Variants in SRGAP2C observed in about 807,000 individuals in gnomAD.
The protein encoded by SRGAP2C is SLIT-ROBO Rho GTPase activating protein 2C, also known as SLIT-ROBO Rho GTPase-activating protein 2C.
A neutral mutation model predicts 25.1 loss-of-function variants in SRGAP2C; 15 were observed. The ratio of observed to expected loss-of-function variants is 0.60; its 90% CI spans 0.40 to 0.92. The LOEUF is 0.92. SRGAP2C is among the 40% of genes least tolerant of loss of function. The probability of loss-of-function intolerance (pLI) is 0.00; values close to 1 mark genes in which losing one functional copy is unlikely to be tolerated. For synonymous variants in SRGAP2C, 44 were observed against 96.6 expected (o/e 0.46, Z 3.19); for missense variants, 144 against 264.4 (o/e 0.54, Z 3.16).
chr1:121,335,343 A>AAAT (rs1658488569), intron 4 of SRGAP2C, among the ~76,000 whole-genome samples: 39 of 109,782 alleles, frequency 3.6e-4, no homozygotes, highest in African/African-American at 1.5e-3. Flanking sequence ...TCCATCTCAA[A>AAAT]AAATAAATAA....
At chr1:121,343,193 T>C (rs1281739754) in intron 4 of SRGAP2C, among the ~76,000 whole-genome samples, 1 of 151,796 alleles carries the variant, frequency 6.6e-6, no homozygotes, top group Admixed American at 6.6e-5. Flanking sequence ...TTTTCAAACA[T>C]TGATATATCA....
intron 4 of SRGAP2C, among the ~76,000 whole-genome samples, chr1:121,347,042 A>G (rs1204730065): frequency 6.6e-6 from 1 of 150,518 alleles, no homozygotes; most frequent in Non-Finnish European, 1.5e-5. Flanking sequence ...TTTGGGAGCT[A>G]CCACAGCATA....
Position 121,392,451 on chromosome 1 carries a change from A to C in SRGAP2C, c.*4596A>C, listed in dbSNP as rs1168080536. The C allele has an allele frequency of 2.0e-5, 3 of 151,782 alleles. No homozygotes were observed. Among genetic ancestry groups the C allele is most frequent in the African/African-American group, 7.3e-5 (3 of 41,312 alleles). The allele number at this position is 151,782 out of a possible 1,614,324, so 9.4% of individuals were successfully genotyped here. On this transcript the variant is annotated 3_prime_UTR_variant, in exon 10 of 10. Coordinates refer to ENST00000367123, the MANE Select transcript of SRGAP2C (RefSeq NM_001329984.2). ...TTAAGTACCCTTAGCATGTTAGTAG[A>C]TATGGTTATTTCTCCCTTTAGTTCT...
chr1:121,387,930 G>A lies in SRGAP2C; in HGVS notation c.*75G>A. 1.3e-6 allele frequency: 1 copy of A among 779,936 alleles called. No homozygotes were observed. The highest frequency in any genetic ancestry group is 1.3e-5 in the South Asian group (1 of 74,452). The allele number at this position is 779,936 out of a possible 1,614,324, so 48.3% of individuals were successfully genotyped here. A position where few individuals can be genotyped will look rare whatever the true frequency, so the allele number is the denominator to read the frequency against. ...TCCTTGTTAAGTGTCTGAAGGACAG[G>A]CATTGAATATCTTAGATACGAATGT... On this transcript the variant is annotated 3_prime_UTR_variant, in exon 10 of 10. Coordinates refer to ENST00000367123, the MANE Select transcript of SRGAP2C (RefSeq NM_001329984.2).
At chr1:121,264,706 CA>C (rs1182712646) in intron 2 of SRGAP2C, among the ~76,000 whole-genome samples, 2 of 151,294 alleles carry the variant, frequency 1.3e-5, no homozygotes, top group African/African-American at 4.8e-5. Flanking sequence ...AGCCCTAGAC[CA>C]ATTTCTGTAT....
At chr1:121,295,805 A>G (rs1258895587) in intron 3 of SRGAP2C, among the ~76,000 whole-genome samples, 1 of 151,946 alleles carries the variant, frequency 6.6e-6, no homozygotes, top group African/African-American at 2.4e-5. Context: ...CTTGTTGCCC[A>G]GGCTGGAGTG....
rs1657862044 is a variant in SRGAP2C at position 121,307,247 on chromosome 1, G to A, written c.261-17231G>A. On this transcript the variant is annotated intron_variant, in intron 3 of 9. Coordinates refer to ENST00000367123, the MANE Select transcript of SRGAP2C (RefSeq NM_001329984.2). ...CCCAAAGTGCTGGGAATGCAGGTGT[G>A]AGGCACTGCATCCAGGCTACTTTTT... is the stretch of plus-strand genomic sequence containing the variant. Among the ~76,000 whole-genome samples the A allele has an allele frequency of 2.1e-5, 3 of 145,992 alleles. No homozygotes were observed. In the Admixed American group the frequency reaches 2.1e-4, roughly 10 times the overall value.
chr1:121,218,733 T>G (rs1176157336), intron 2 of SRGAP2C, among the ~76,000 whole-genome samples: 1 of 151,570 alleles, frequency 6.6e-6, no homozygotes, highest in Non-Finnish European at 1.5e-5. Flanking sequence ...GGCGACAGAG[T>G]GAGACCCTGT....
At chr1:121,325,434 TTGAGCTCAAAGTG>T (rs1658300540) in intron 4 of SRGAP2C, among the ~76,000 whole-genome samples, 2 of 110,250 alleles carry the variant, frequency 1.8e-5, no homozygotes, top group Non-Finnish European at 3.6e-5. Flanking sequence ...CTGTCTCAGC[TTGAGCTCAAAGTG>T]GAATCATTTA....
At chr1:121,222,048 A>C (rs1655538256) in intron 2 of SRGAP2C, among the ~76,000 whole-genome samples, 1 of 152,128 alleles carries the variant, frequency 6.6e-6, no homozygotes, top group African/African-American at 2.4e-5. Flanking sequence ...GAAGTCATCC[A>C]GCACTCACAA....
chr1:121,223,042 A>G lies in SRGAP2C; in HGVS notation c.67+35529A>G, dbSNP rs587663858. Among the ~76,000 whole-genome samples, 266 of 152,226 alleles carry G rather than the reference A, an allele frequency of 1.7e-3. 3 individuals are homozygous for G. The highest frequency in any genetic ancestry group is 6.2e-3 in the African/African-American group (256 of 41,542). On this transcript the variant is annotated intron_variant, in intron 2 of 9. Coordinates refer to ENST00000367123, the MANE Select transcript of SRGAP2C (RefSeq NM_001329984.2). ...ACAGCTAAATTGATGAGATCAATTCATTAAGATAAAGACTTCTTCTTCCGA... is the reference window on the plus strand; with the variant it reads ...ACAGCTAAATTGATGAGATCAATTCGTTAAGATAAAGACTTCTTCTTCCGA...
intron 2 of SRGAP2C, among the ~76,000 whole-genome samples, chr1:121,217,882 T>C (rs2101438338): frequency 6.6e-6 from 1 of 151,768 alleles, no homozygotes; most frequent in East Asian, 2.0e-4. Context: ...TTGTACCTTT[T>C]CTCAACACCT....
rs1657566560 is a variant in SRGAP2C, at chr1:121,294,960, A to G, written c.260+9965A>G. Reference sequence around the variant, plus strand: ...CAGGGAGAAATTAAATTCAAATACAAGAATACAAATCTTCAACATAAGGCT... The same window carrying G: ...CAGGGAGAAATTAAATTCAAATACAGGAATACAAATCTTCAACATAAGGCT... On this transcript the variant is annotated intron_variant, in intron 3 of 9. Coordinates refer to ENST00000367123, the MANE Select transcript of SRGAP2C (RefSeq NM_001329984.2). 2.0e-5 allele frequency among the ~76,000 whole-genome samples: 2 copies of G among 98,290 alleles called. 1 individual carries two copies. The highest frequency in any genetic ancestry group is 4.3e-5 in the Non-Finnish European group (2 of 47,006). 64.5% of individuals were successfully genotyped at this position (98,290 alleles called of 152,430 possible).
At chr1:121,324,083 C>A (rs1218973903) in intron 3 of SRGAP2C, among the ~76,000 whole-genome samples, 2 of 151,990 alleles carry the variant, frequency 1.3e-5, no homozygotes, top group Non-Finnish European at 2.9e-5. Context: ...TCGCTGTAGA[C>A]AAGTGACAAC....
intron 2 of SRGAP2C, among the ~76,000 whole-genome samples, chr1:121,222,616 G>A (rs587619768): frequency 6.6e-6 from 1 of 152,230 alleles, no homozygotes; most frequent in Admixed American, 6.5e-5. Context: ...GAAAGAGCAA[G>A]ACCCTGTCTC....
In SRGAP2C at chr1:121,184,987, A is replaced by G. The variant is rs1351138419; in HGVS notation, c.-680A>G. On this transcript the variant is annotated 5_prime_UTR_variant, in exon 1 of 10. Transcript: ENST00000367123. ...TCTACTTCCCGGCGGGGTCCTGCGG[A>G]GTTGGCGGAGGCGGCGGAGGCTCCT... The G allele has an allele frequency of 2.2e-5, 11 of 509,716 alleles. No individual in the cohort carries two copies. Among genetic ancestry groups the G allele is most frequent in the African/African-American group, 1.5e-4 (7 of 48,142 alleles). 31.6% of individuals were successfully genotyped at this position (509,716 alleles called of 1,614,324 possible). A position where few individuals can be genotyped will look rare whatever the true frequency, so the allele number is the denominator to read the frequency against.
chr1:121,320,854 A>G (rs1461664093), intron 3 of SRGAP2C, among the ~76,000 whole-genome samples: 3 of 152,012 alleles, frequency 2.0e-5, no homozygotes, highest in Non-Finnish European at 4.4e-5. Context: ...TGATGATGAG[A>G]TGGTATGATA....
chr1:121,226,008 C>G (rs1338220186), intron 2 of SRGAP2C, among the ~76,000 whole-genome samples: 1 of 151,720 alleles, frequency 6.6e-6, no homozygotes, highest in Admixed American at 6.6e-5. Flanking sequence ...CCCGGCAAAA[C>G]AGCATATCTT....
intron 2 of SRGAP2C, among the ~76,000 whole-genome samples, chr1:121,248,445 CTTTTTT>C (rs1215419512): frequency 2.0e-5 from 2 of 99,852 alleles, no homozygotes; most frequent in African/African-American, 4.4e-5. Flanking sequence ...GCAAAACTTA[CTTTTTT>C]TTTTTTTTTT....
Sources: allele counts gnomAD v4.1 joint callset (sites outside exome capture counted in the v4.1 genomes callset), GRCh38; gene constraint gnomAD v4.1.1; transcripts MANE v1.5; gene names NCBI Gene and HGNC (gene_info 2026-07-23, HGNC 2026-07-21).